MYO5B: variants seen among roughly 807,000 people sequenced by gnomAD.
The protein encoded by MYO5B is unconventional myosin-Vb.
In MYO5B, 143 loss-of-function variants were observed where a neutral mutation model predicts 229.3. That is an observed-to-expected ratio of 0.62 (90% confidence interval 0.54 to 0.72). The LOEUF (loss-of-function observed/expected upper bound fraction) is 0.72, where lower values mean the gene tolerates loss of function less well. Among genes scored for constraint, MYO5B ranks in the 30% least tolerant of loss-of-function variants. The pLI, the probability that MYO5B is intolerant of heterozygous loss-of-function variation, is 0.00. For synonymous variants in MYO5B, 918 were observed against 885.2 expected, an observed-to-expected ratio of 1.04 and a Z score of -0.66; for missense variants, 2,321 against 2,331.0, an observed-to-expected ratio of 1.00 and a Z score of 0.09.
chr18:50,000,634 G>A (rs1379057831), intron 5 of MYO5B, among the ~76,000 whole-genome samples: 1 of 152,194 alleles, frequency 6.6e-6, no homozygotes, highest in Admixed American at 6.6e-5. Context: ...GCCTGTAGTT[G>A]TGTCAACTGC....
intron 1 of MYO5B, among the ~76,000 whole-genome samples, chr18:50,058,529 G>T (rs2030608036): frequency 6.6e-6 from 1 of 152,048 alleles, no homozygotes; most frequent in African/African-American, 2.4e-5. Context: ...AAACACAGTA[G>T]GCCGGGCACA....
At chr18:49,836,394 A>G (rs1349307034) in intron 38 of MYO5B, among the ~76,000 whole-genome samples, 1 of 152,254 alleles carries the variant, frequency 6.6e-6, no homozygotes, top group Non-Finnish European at 1.5e-5. Context: ...TGTAAGAAAC[A>G]TTCCAGAATT....
chr18:49,966,677 T>C lies in MYO5B; in HGVS notation c.1323-3647A>G, dbSNP rs148201315. On this transcript the variant is annotated intron_variant, in intron 10 of 39. Transcript: ENST00000285039. The stretch of plus-strand genomic sequence containing the variant: ...TTTAAATATCTCAGACTTGTCATTT[T>C]CTAAAGGTTTACACTGGTAGCACTC... 2.6e-3 allele frequency among the ~76,000 whole-genome samples: 393 copies of C among 152,384 alleles called. 3 individuals carry two copies. The highest frequency in any genetic ancestry group is 9.2e-3 in the African/African-American group (382 of 41,600).
chr18:49,902,496 C>G, intron 21 of MYO5B, 98 bp downstream of exon 21: 1 of 1,552,986 alleles, frequency 6.4e-7, no homozygotes, highest in Non-Finnish European at 8.8e-7. Context: ...TCCCTCGGGT[C>G]TTCGGCATGT....
chr18:49,902,381 C>T (rs1238601421), intron 21 of MYO5B, among the ~76,000 whole-genome samples: 1 of 152,220 alleles, frequency 6.6e-6, no homozygotes, highest in African/African-American at 2.4e-5. Flanking sequence ...TCCCTTTTGC[C>T]ATATAAGGTA....
At chr18:49,842,541 C>G (rs547147194) in intron 34 of MYO5B, among the ~76,000 whole-genome samples, 98 of 152,338 alleles carry the variant, frequency 6.4e-4, no homozygotes, top group African/African-American at 2.3e-3. Context: ...GGGCACAGGC[C>G]TGCTAGCAGG....
intron 1 of MYO5B, among the ~76,000 whole-genome samples, chr18:50,108,669 A>G (rs1187509471): frequency 1.3e-5 from 2 of 152,204 alleles, no homozygotes; most frequent in African/African-American, 2.4e-5. Context: ...GACAATCCAC[A>G]GTGCCTCATA....
chr18:49,920,711 G>A (rs1449533990), intron 17 of MYO5B, among the ~76,000 whole-genome samples: 1 of 152,190 alleles, frequency 6.6e-6, no homozygotes, highest in African/African-American at 2.4e-5. Flanking sequence ...GGCAACACAT[G>A]CCTTCAGGGT....
At chr18:49,979,060 G>A (rs1182371822) in intron 9 of MYO5B, among the ~76,000 whole-genome samples, 1 of 152,112 alleles carries the variant, frequency 6.6e-6, no homozygotes, top group Non-Finnish European at 1.5e-5. Context: ...TACATCACTG[G>A]CCCTGAAGAC....
intron 17 of MYO5B, among the ~76,000 whole-genome samples, chr18:49,916,113 ATGG>A (rs2025011457): frequency 6.6e-6 from 1 of 152,250 alleles, no homozygotes; most frequent in African/African-American, 2.4e-5. Flanking sequence ...ATTATACACC[ATGG>A]TTATTTGCAT....
At chr18:49,892,633 A>G (rs2144126966) in intron 22 of MYO5B, among the ~76,000 whole-genome samples, 1 of 152,352 alleles carries the variant, frequency 6.6e-6, no homozygotes, top group East Asian at 1.9e-4. Context: ...ATTGAAATTG[A>G]CACAGTGCCT....
At chr18:50,159,373 G>C (rs1291545482) in intron 1 of MYO5B, among the ~76,000 whole-genome samples, 1 of 152,082 alleles carries the variant, frequency 6.6e-6, no homozygotes, top group Non-Finnish European at 1.5e-5. Context: ...CCAATCCCCT[G>C]GCATGTTCAA....
rs2024903192 is a variant in MYO5B at position 49,906,638 on chromosome 18, A to C, written c.2203-8T>G. The C allele has an allele frequency of 6.2e-7, 1 of 1,611,044 alleles. No homozygotes were observed. Among genetic ancestry groups the C allele is most frequent in the Non-Finnish European group, 8.5e-7 (1 of 1,177,488 alleles). ...CTGGAACTTGTCGGGGTCCTTTACA[A>C]GGTAGGGAGGGGATCTGGTTGGTCA... On this transcript the variant is annotated splice_polypyrimidine_tract_variant and splice_region_variant and intron_variant, in intron 18 of 39. Coordinates refer to ENST00000285039, the MANE Select transcript of MYO5B (RefSeq NM_001080467.3).
chr18:50,079,884 G>T (rs1262767257), intron 1 of MYO5B, among the ~76,000 whole-genome samples: 4 of 152,192 alleles, frequency 2.6e-5, no homozygotes, highest in African/African-American at 9.7e-5. Context: ...GGGCAGAGGG[G>T]TTTTGTTGCC....
chr18:49,887,981 C>T (rs993945181), intron 22 of MYO5B, among the ~76,000 whole-genome samples: 1 of 152,184 alleles, frequency 6.6e-6, no homozygotes, highest in Admixed American at 6.5e-5. Flanking sequence ...CCACCACACC[C>T]AGCCCAGGTG....
At chr18:49,863,197 G>T (rs546642636) in intron 29 of MYO5B, 30 bp downstream of exon 29, 2 of 1,578,042 alleles carry the variant, frequency 1.3e-6, no homozygotes, top group Non-Finnish European at 1.7e-6. Context: ...CCGCGGCCTC[G>T]TCCAGCACAT....
chr18:50,041,327 A>G (rs896822825), intron 2 of MYO5B, among the ~76,000 whole-genome samples: 2 of 152,178 alleles, frequency 1.3e-5, no homozygotes, highest in African/African-American at 4.8e-5. Flanking sequence ...CACAGACTCA[A>G]TTTACTGGGG....
Position 50,194,833 on chromosome 18 carries a change from GC to G in MYO5B, c.-41del. ...GGGGCTCGGGCCCCGGCTCCTGGCT[GC>G]CCCGCGGCTCTCAGTCCGCGGCTGG... On this transcript the variant is annotated 5_prime_UTR_variant, in exon 1 of 40. Coordinates refer to ENST00000285039, the MANE Select transcript of MYO5B (RefSeq NM_001080467.3). The G allele has an allele frequency of 7.7e-7, 1 of 1,293,684 alleles. No individual in the cohort carries two copies. Among genetic ancestry groups the G allele is most frequent in the Non-Finnish European group, 9.7e-7 (1 of 1,026,214 alleles). The allele number at this position is 1,293,684 out of a possible 1,614,324, so 80.1% of individuals were successfully genotyped here. A position where few individuals can be genotyped will look rare whatever the true frequency, so the allele number is the denominator to read the frequency against.
intron 9 of MYO5B, among the ~76,000 whole-genome samples, chr18:49,975,972 C>G (rs934466920): frequency 3.3e-5 from 5 of 152,218 alleles, no homozygotes; most frequent in Admixed American, 3.3e-4. Context: ...CCAAAATGTA[C>G]AAATTCCTTG....
Sources: allele counts gnomAD v4.1 joint callset (sites outside exome capture counted in the v4.1 genomes callset), GRCh38; gene constraint gnomAD v4.1.1; transcripts MANE v1.5; gene names NCBI Gene and HGNC (gene_info 2026-07-23, HGNC 2026-07-21).